PCDHGB6: variants seen among roughly 807,000 people sequenced by gnomAD.
PCDHGB6 encodes the protein protocadherin gamma subfamily B, 6, also known as protocadherin gamma-B6.
PCDHGB6 carries 51 observed loss-of-function variants against 59.1 expected under a neutral mutation model. The observed-to-expected ratio is 0.86, with a 90% CI of 0.69 to 1.09. The LOEUF is 1.09. Ranked by LOEUF, PCDHGB6 falls within the 50% of genes least tolerant of loss-of-function variation. The probability of loss-of-function intolerance (pLI) is 0.00; values close to 1 mark genes in which losing one functional copy is unlikely to be tolerated. For synonymous variants in PCDHGB6, 466 were observed against 495.1 expected (o/e 0.94, Z 0.78); for missense variants, 1,148 against 1,205.1 (o/e 0.95, Z 0.70).
chr5:141,456,633 C>CT (rs1229637837), intron 1 of PCDHGB6, among the ~76,000 whole-genome samples: 1 of 152,182 alleles, frequency 6.6e-6, no homozygotes, highest in Non-Finnish European at 1.5e-5. Context: ...CTCTTCTTTA[C>CT]TACAGGTGTT....
chr5:141,477,043 G>A lies in PCDHGB6; in HGVS notation c.2419-17764G>A. The A allele has an allele frequency of 6.2e-7, 1 of 1,614,260 alleles. No individual in the cohort carries two copies. Among genetic ancestry groups the A allele is most frequent in the Middle Eastern group, 1.6e-4 (1 of 6,062 alleles). On this transcript the variant is annotated intron_variant, in intron 1 of 3. Coordinates refer to ENST00000520790, the MANE Select transcript of PCDHGB6 (RefSeq NM_018926.3). This position sits in a 1 kb window ranked among gnomAD's most constrained non-coding sequence, Gnocchi z 4.9. The stretch of plus-strand genomic sequence containing the variant: ...CCGGGATGCTGACAATCAAGGGTCG[G>A]CTGGACTTCGAGGACACCAAACTCC...
intron 1 of PCDHGB6, among the ~76,000 whole-genome samples, chr5:141,482,161 G>A (rs2099554171): frequency 6.6e-6 from 1 of 152,008 alleles, no homozygotes; most frequent in Non-Finnish European, 1.5e-5. Context: ...TCAAAGATAT[G>A]TAAGATTAAG....
chr5:141,409,237 A>G lies in PCDHGB6; in HGVS notation c.1035A>G (p.Pro345=), dbSNP rs375806619. The G allele has an allele frequency of 7.2e-5, 116 of 1,614,054 alleles. 2 individuals are homozygous for G. Among genetic ancestry groups the G allele is most frequent in the East Asian group, 6.5e-4 (29 of 44,886 alleles). ...IEILDENDNS[P]EIIITSLSDQ... ...TCCTTGATGAAAACGACAACAGCCC[A>G]GAAATAATCATCACTTCTCTCTCTG... Residue 345 remains proline (P), a synonymous_variant, in exon 1 of 4, where the codon CCA becomes CCG. Coordinates refer to ENST00000520790, the MANE Select transcript of PCDHGB6 (RefSeq NM_018926.3).
chr5:141,437,331 A>T (rs2097876062), intron 1 of PCDHGB6, among the ~76,000 whole-genome samples: 1 of 152,244 alleles, frequency 6.6e-6, no homozygotes, highest in South Asian at 2.1e-4. Context: ...TAAAATTTGT[A>T]GCTTCACTGT....
At chr5:141,472,668 C>T (rs2099292239) in intron 1 of PCDHGB6, among the ~76,000 whole-genome samples, 1 of 151,742 alleles carries the variant, frequency 6.6e-6, no homozygotes, top group African/African-American at 2.4e-5. Context: ...ATCCTGTATA[C>T]TGGTCCTTCC....
chr5:141,427,151 G>A (rs1481629222), intron 1 of PCDHGB6: 1 of 456,934 alleles, frequency 2.2e-6, no homozygotes, highest in Admixed American at 2.3e-5. Flanking sequence ...TTGGAAATAT[G>A]TTTGTGCTAG....
chr5:141,421,933 G>A (rs1310432014), intron 1 of PCDHGB6: 1 of 1,613,446 alleles, frequency 6.2e-7, no homozygotes, highest in Non-Finnish European at 8.5e-7. Flanking sequence ...GGTCCTCGAT[G>A]TAAATGATCA....
rs1442570663 is a variant in PCDHGB6, at chr5:141,438,613, TATATATATATATATATATATATACACAC to T, written c.2418+27995_2418+28022del. On this transcript the variant is annotated intron_variant, in intron 1 of 3. Transcript: ENST00000520790. Reference sequence around the variant, plus strand: ...ATACATATATATATATATATATATATATATATATATATATATATATATACACACACACACACACATATATGTATATATA... The same window carrying T: ...ATACATATATATATATATATATATATACACACACACATATATGTATATATA... Among the ~76,000 whole-genome samples, 243 of 36,492 alleles carry T rather than the reference TATATATATATATATATATATATACACAC, an allele frequency of 6.7e-3. 7 individuals are homozygous for T. The highest frequency in any genetic ancestry group is 0.033 in the East Asian group (37 of 1,124). The allele number at this position is 36,492 out of a possible 152,430, so 23.9% of individuals were successfully genotyped here.
chr5:141,472,071 A>T (rs1243864250), intron 1 of PCDHGB6, among the ~76,000 whole-genome samples: 5 of 152,200 alleles, frequency 3.3e-5, no homozygotes, highest in South Asian at 2.1e-4. Context: ...GTCTGTGGTT[A>T]TATCAATGAG....
At chr5:141,467,208 A>G (rs1272958649) in intron 1 of PCDHGB6, among the ~76,000 whole-genome samples, 1 of 152,064 alleles carries the variant, frequency 6.6e-6, no homozygotes, top group East Asian at 1.9e-4. Flanking sequence ...ACATGCCACC[A>G]TGCCTGGCTA....
In PCDHGB6 at chr5:141,487,574, C is replaced by T. The variant is rs753979217; in HGVS notation, c.2419-7233C>T. ...TGCACCTATGGCAGGGGAGCCTGTTCGCCCAAGCTGCCCACCCTCTGATCT... is the reference window on the plus strand; with the variant it reads ...TGCACCTATGGCAGGGGAGCCTGTTTGCCCAAGCTGCCCACCCTCTGATCT... On this transcript the variant is annotated intron_variant, in intron 1 of 3. Transcript: ENST00000520790. This position sits in a 1 kb window ranked among gnomAD's most constrained non-coding sequence, Gnocchi z 5.0. 1.2e-5 allele frequency: 20 copies of T among 1,614,040 alleles called. 1 individual carries two copies. The highest frequency in any genetic ancestry group is 8.9e-5 in the East Asian group (4 of 44,870).
rs369791160 is a variant in PCDHGB6 at position 141,431,269 on chromosome 5, C to G, written c.2418+20649C>G. On this transcript the variant is annotated intron_variant, in intron 1 of 3. Transcript: ENST00000520790. This position sits in a 1 kb window ranked among gnomAD's most constrained non-coding sequence, Gnocchi z 4.8. ...TCGGGAAGAACTCTCTGCAGAGCTA[C>G]GAGCTCAGCCCGAACACTCACTTCT... 1.4e-5 allele frequency: 22 copies of G among 1,614,034 alleles called. No individual in the cohort carries two copies. The highest frequency in any genetic ancestry group is 2.7e-5 in the African/African-American group (2 of 74,954).
In PCDHGB6 at chr5:141,489,406, A is replaced by T; in HGVS notation, c.2419-5401A>T. 6.2e-7 allele frequency: 1 copy of T among 1,614,166 alleles called. No individual in the cohort carries two copies. Among genetic ancestry groups the T allele is most frequent in the Non-Finnish European group, 8.5e-7 (1 of 1,180,028 alleles). Reference sequence around the variant, plus strand: ...TGTTGCTCAGGATCTGGGCTTAAAGATGACAGATCTGTTGAGCCGGCGGCT... The same window carrying T: ...TGTTGCTCAGGATCTGGGCTTAAAGTTGACAGATCTGTTGAGCCGGCGGCT... On this transcript the variant is annotated intron_variant, in intron 1 of 3. Coordinates refer to ENST00000520790, the MANE Select transcript of PCDHGB6 (RefSeq NM_018926.3). This position sits in a 1 kb window ranked among gnomAD's most constrained non-coding sequence, Gnocchi z 4.5.
Position 141,490,457 on chromosome 5 carries a change from T to C in PCDHGB6, c.2419-4350T>C. 1 of 1,614,214 alleles carries C rather than the reference T, an allele frequency of 6.2e-7. No homozygotes were observed. Among genetic ancestry groups the C allele is most frequent in the Non-Finnish European group, 8.5e-7 (1 of 1,180,042 alleles). ...AAGCCTTCTGAGAACCACTACTCGC[T>C]GCTAACCAGCCAGCCTTTGGACCGG... On this transcript the variant is annotated intron_variant, in intron 1 of 3. Coordinates refer to ENST00000520790, the MANE Select transcript of PCDHGB6 (RefSeq NM_018926.3). The surrounding 1 kb of genome is among the most constrained non-coding windows in gnomAD (Gnocchi z 5.4).
rs776737236 is a variant in PCDHGB6, at chr5:141,431,439, G to T, written c.2418+20819G>T. 20 of 1,613,724 alleles carry T rather than the reference G, an allele frequency of 1.2e-5. No individual in the cohort carries two copies. The highest frequency in any genetic ancestry group is 4.5e-5 in the East Asian group (2 of 44,888). Reference sequence around the variant, plus strand: ...GACCCGGTGCGCACAGGCACCGCGCGCATCCGCGTGATGGTTCTGGATGCG... The same window carrying T: ...GACCCGGTGCGCACAGGCACCGCGCTCATCCGCGTGATGGTTCTGGATGCG... On this transcript the variant is annotated intron_variant, in intron 1 of 3. Coordinates refer to ENST00000520790, the MANE Select transcript of PCDHGB6 (RefSeq NM_018926.3). This position sits in a 1 kb window ranked among gnomAD's most constrained non-coding sequence, Gnocchi z 4.8.
chr5:141,466,016 G>A (rs1592991828), intron 1 of PCDHGB6, among the ~76,000 whole-genome samples: 2 of 152,032 alleles, frequency 1.3e-5, no homozygotes, highest in East Asian at 3.9e-4. Flanking sequence ...CAGCTACTCG[G>A]GAGGGTGAGG....
Position 141,505,424 on chromosome 5 carries a change from C to T in PCDHGB6, c.2509C>T (p.Pro837Ser), listed in dbSNP as rs1422538114. The T allele has an allele frequency of 1.2e-6, 2 of 1,614,200 alleles. No individual in the cohort carries two copies. Among genetic ancestry groups the T allele is most frequent in the Non-Finnish European group, 1.7e-6 (2 of 1,180,028 alleles). Residue 837 changes from proline (P) to serine (S), a missense_variant, in exon 3 of 4, where the codon CCC (proline) becomes TCC (serine). Pro to Ser is a moderately conservative substitution (Grantham distance 74). Transcript: ENST00000520790. ...AAATGGCGATGACACCGGCACCTGG[C>T]CCAACAACCAGTTTGACACAGAGAT... is the stretch of plus-strand genomic sequence containing the variant. ...SQNGDDTGTW[P>S]NNQFDTEMLQ...
At chr5:141,452,000 A>G (rs2098730428) in intron 1 of PCDHGB6, among the ~76,000 whole-genome samples, 1 of 152,198 alleles carries the variant, frequency 6.6e-6, no homozygotes, top group Admixed American at 6.5e-5. Flanking sequence ...AAGCAAAATC[A>G]CTTGGTCCAG....
At chr5:141,433,767 G>A (rs1237334342) in intron 1 of PCDHGB6, among the ~76,000 whole-genome samples, 1 of 151,532 alleles carries the variant, frequency 6.6e-6, no homozygotes, top group East Asian at 1.9e-4. Flanking sequence ...AACCTGGGAG[G>A]TGGAGGTTGC....
Sources: gnomAD v4.1 joint callset for allele counts (sites outside exome capture counted in the v4.1 genomes callset) on GRCh38, gnomAD v4.1.1 for gene constraint, Gnocchi (gnomAD v3.1) non-coding constraint, MANE v1.5 for transcripts, NCBI Gene and HGNC (gene_info 2026-07-23, HGNC 2026-07-21) for gene names.